RHBDD1: variants seen among roughly 807,000 people sequenced by gnomAD.
RHBDD1 encodes the protein rhomboid domain containing 1.
A neutral mutation model predicts 36.3 loss-of-function variants in RHBDD1; 38 were observed. The observed-to-expected ratio is 1.05, with a 90% CI of 0.81 to 1.37. The LOEUF (loss-of-function observed/expected upper bound fraction) is 1.37. Among genes scored for constraint, RHBDD1 ranks in the 40% most tolerant of loss-of-function variants. The pLI is 0.00. For missense variants in RHBDD1, 393 were observed against 377.6 expected (o/e 1.04, Z -0.34); for synonymous variants, 151 against 136.5 (o/e 1.11, Z -0.74).
At chr2:226,851,999 C>A (rs75193983) in intron 3 of RHBDD1, among the ~76,000 whole-genome samples, 1 of 152,210 alleles carries the variant, frequency 6.6e-6, no homozygotes, top group South Asian at 2.1e-4. Flanking sequence ...AAGGCCAGCA[C>A]GGTTGCTGAA....
At chr2:226,813,337 C>G in the RHBDD1 span, among the ~76,000 whole-genome samples, 1 of 152,162 alleles carries the variant, frequency 6.6e-6, no homozygotes, top group Middle Eastern at 3.2e-3. Flanking sequence ...TTTCTCTCTC[C>G]AGCAGTGGGA....
intron 8 of RHBDD1, 161 bp downstream of exon 8, chr2:226,914,512 T>C: frequency 1.3e-6 from 1 of 745,046 alleles, no homozygotes; most frequent in Non-Finnish European, 2.1e-6. Context: ...TGGGGTGTGA[T>C]GCCATATTCC....
At chr2:226,826,764 C>T in the RHBDD1 span, among the ~76,000 whole-genome samples, 1 of 152,142 alleles carries the variant, frequency 6.6e-6, no homozygotes, top group Admixed American at 6.5e-5. Context: ...TCATGATCTG[C>T]CTGCCTCGGC....
At chr2:226,925,502 G>T (rs149750361) in intron 8 of RHBDD1, among the ~76,000 whole-genome samples, 166 of 152,112 alleles carry the variant, frequency 1.1e-3, no homozygotes, top group Non-Finnish European at 2.1e-3. Flanking sequence ...GTACCATATG[G>T]CCAGAAATTT....
chr2:226,875,951 G>A (rs778887476), intron 5 of RHBDD1, among the ~76,000 whole-genome samples: 9 of 152,198 alleles, frequency 5.9e-5, no homozygotes, highest in Non-Finnish European at 1.3e-4. Context: ...ATTGCAGGAT[G>A]GAAATCGGAT....
chr2:226,906,010 C>T (rs959831311), intron 5 of RHBDD1, among the ~76,000 whole-genome samples: 2 of 151,982 alleles, frequency 1.3e-5, no homozygotes, highest in Non-Finnish European at 2.9e-5. Flanking sequence ...TTTTGAGAAT[C>T]GCCAGTAATT....
intron 8 of RHBDD1, among the ~76,000 whole-genome samples, chr2:226,995,224 G>A (rs1220362598): frequency 3.3e-5 from 5 of 152,182 alleles, no homozygotes; most frequent in Non-Finnish European, 7.3e-5. Flanking sequence ...AGTCAAATCA[G>A]ATTCATGGCT....
chr2:226,826,395 C>G, the RHBDD1 span, among the ~76,000 whole-genome samples: 1 of 152,080 alleles, frequency 6.6e-6, no homozygotes, highest in Non-Finnish European at 1.5e-5. Context: ...TAATAATGAC[C>G]ATAAATATGT....
the RHBDD1 span, among the ~76,000 whole-genome samples, chr2:226,816,184 C>T: frequency 1.3e-5 from 2 of 152,052 alleles, no homozygotes; most frequent in Non-Finnish European, 2.9e-5. Flanking sequence ...AACTTCTTAA[C>T]TTAGTATTTC....
intron 8 of RHBDD1, among the ~76,000 whole-genome samples, chr2:226,979,843 G>A (rs915645778): frequency 1.3e-5 from 2 of 152,198 alleles, no homozygotes; most frequent in Admixed American, 1.3e-4. Flanking sequence ...AACCATCACA[G>A]CGGTTTAGGC....
chr2:226,927,608 T>G (rs1197489233), intron 8 of RHBDD1, among the ~76,000 whole-genome samples: 2 of 152,092 alleles, frequency 1.3e-5, no homozygotes, highest in African/African-American at 4.8e-5. Flanking sequence ...ATATGAGAGT[T>G]CCAGTTGCTC....
chr2:226,882,888 C>T (rs1159576655), intron 5 of RHBDD1, among the ~76,000 whole-genome samples: 2 of 152,164 alleles, frequency 1.3e-5, no homozygotes, highest in East Asian at 1.9e-4. Context: ...TTCTAGGCTA[C>T]ATTCTCACTG....
At chr2:226,815,463 GTTA>G in the RHBDD1 span, among the ~76,000 whole-genome samples, 6 of 152,212 alleles carry the variant, frequency 3.9e-5, no homozygotes, top group Non-Finnish European at 5.9e-5. Flanking sequence ...AGATAATAAA[GTTA>G]TTATATATTT....
At chr2:226,858,377 T>A (rs958787026) in intron 3 of RHBDD1, among the ~76,000 whole-genome samples, 1 of 152,212 alleles carries the variant, frequency 6.6e-6, no homozygotes, top group African/African-American at 2.4e-5. Context: ...GTTATACTTT[T>A]AGTAATATGG....
the RHBDD1 span, among the ~76,000 whole-genome samples, chr2:226,814,964 G>C: frequency 6.6e-6 from 1 of 152,130 alleles, no homozygotes; most frequent in Non-Finnish European, 1.5e-5. Context: ...CCAGCAAGTG[G>C]CAAAATATGG....
the RHBDD1 span, among the ~76,000 whole-genome samples, chr2:226,805,915 A>T: frequency 6.6e-6 from 1 of 152,146 alleles, no homozygotes; most frequent in Non-Finnish European, 1.5e-5. Flanking sequence ...GCAAATCATC[A>T]TAACTTTTTC....
chr2:226,988,592 GC>G, intron 8 of RHBDD1: 1 of 1,367,684 alleles, frequency 7.3e-7, no homozygotes, highest in East Asian at 2.8e-5. Flanking sequence ...ATCAGAAGAG[GC>G]CGGGGGCTCC....
chr2:226,862,103 G>T (rs1420378879), intron 3 of RHBDD1, among the ~76,000 whole-genome samples: 2 of 152,068 alleles, frequency 1.3e-5, no homozygotes, highest in African/African-American at 4.8e-5. Flanking sequence ...AATCCATATG[G>T]GGGCATAGGA....
At chr2:226,915,909 G>A (rs548722759) in intron 8 of RHBDD1, among the ~76,000 whole-genome samples, 3 of 152,156 alleles carry the variant, frequency 2.0e-5, no homozygotes, top group Non-Finnish European at 4.4e-5. Flanking sequence ...AAGCAGCTGG[G>A]CTGGGCTTAG....
Sources: allele counts gnomAD v4.1 joint callset (sites outside exome capture counted in the v4.1 genomes callset), GRCh38; gene constraint gnomAD v4.1.1; transcripts MANE v1.5; gene names NCBI Gene and HGNC (gene_info 2026-07-23, HGNC 2026-07-21).